The following PCDHGA6 variants were observed in gnomAD, a reference collection of about 807,000 sequenced individuals.
The protein encoded by PCDHGA6 is protocadherin gamma-A6.
A neutral mutation model predicts 60.6 loss-of-function variants in PCDHGA6; 41 were observed. The ratio of observed to expected loss-of-function variants is 0.68; its 90% CI spans 0.53 to 0.88. The LOEUF (loss-of-function observed/expected upper bound fraction) is 0.88, where lower values mean the gene tolerates loss of function less well. Among genes scored for constraint, PCDHGA6 ranks in the 40% least tolerant of loss-of-function variants. The probability of loss-of-function intolerance (pLI) is 0.00; values close to 1 mark genes in which losing one functional copy is unlikely to be tolerated. For synonymous variants in PCDHGA6, 594 were observed against 524.4 expected, an observed-to-expected ratio of 1.13 and a Z score of -1.81; for missense variants, 1,312 against 1,203.0, an observed-to-expected ratio of 1.09 and a Z score of -1.34.
intron 1 of PCDHGA6, among the ~76,000 whole-genome samples, chr5:141,444,152 ATTTTTTTTTTTTTTTTTTTTT>A (rs747671382): frequency 8.9e-5 from 3 of 33,882 alleles, no homozygotes; most frequent in Admixed American, 3.9e-4. Context: ...TGTGTACTGG[ATTTTTTTTTTTTTTTTTTTTT>A]TTTTTTTTTT....
At chr5:141,429,647 T>C (rs1430094173) in intron 1 of PCDHGA6, among the ~76,000 whole-genome samples, 2 of 152,272 alleles carry the variant, frequency 1.3e-5, no homozygotes, top group African/African-American at 4.8e-5. Flanking sequence ...TATATATTTC[T>C]TCCCAATTTA....
At position 141,404,862 on chromosome 5, in the gene PCDHGA6, C is replaced by T. The variant is rs377687399; in HGVS notation, c.2424+28355C>T. ...GCTCGGGCCCTGCTAGATAGAGATG[C>T]GCTCAAACAGAGCCTTGTGGTGGCT... On this transcript the variant is annotated intron_variant, in intron 1 of 3. Coordinates refer to ENST00000517434, the MANE Select transcript of PCDHGA6 (RefSeq NM_018919.3). The T allele has an allele frequency of 2.3e-5, 37 of 1,613,730 alleles. No individual in the cohort carries two copies. The African/African-American group carries it at 2.8e-4, about 12-fold the overall frequency.
chr5:141,389,838 C>T (rs1156714079), intron 1 of PCDHGA6: 3 of 1,614,028 alleles, frequency 1.9e-6, no homozygotes, highest in Non-Finnish European at 2.5e-6. Context: ...ACAGCCACCA[C>T]TCTCGGCCAC....
intron 1 of PCDHGA6, among the ~76,000 whole-genome samples, chr5:141,494,498 C>G (rs2099754760): frequency 6.6e-6 from 1 of 152,138 alleles, no homozygotes; most frequent in African/African-American, 2.4e-5. Flanking sequence ...GCCTTCAGTC[C>G]TTGAATTTTG....
At chr5:141,413,329 A>G (rs762420040) in intron 1 of PCDHGA6, 1 of 1,613,966 alleles carries the variant, frequency 6.2e-7, no homozygotes, top group Non-Finnish European at 8.5e-7. Context: ...CGTGGGCAAC[A>G]TCTCCAAGGA....
At chr5:141,456,723 G>A (rs1005891499) in intron 1 of PCDHGA6, among the ~76,000 whole-genome samples, 3 of 152,196 alleles carry the variant, frequency 2.0e-5, no homozygotes, top group Admixed American at 6.5e-5. Flanking sequence ...CCAGCACTTT[G>A]GGAGGCTGAG....
At chr5:141,404,811 G>A (rs2094571358) in intron 1 of PCDHGA6, 1 of 1,606,238 alleles carries the variant, frequency 6.2e-7, no homozygotes, top group African/African-American at 1.4e-5. Flanking sequence ...TTCTCGGTGG[G>A]GCTGCACACA....
intron 1 of PCDHGA6, among the ~76,000 whole-genome samples, chr5:141,488,613 A>C (rs1214413025): frequency 1.3e-5 from 2 of 152,158 alleles, no homozygotes; most frequent in Non-Finnish European, 2.9e-5. Flanking sequence ...GTTCTTACTA[A>C]TCTTTTCTCT....
At chr5:141,427,480 A>G in intron 1 of PCDHGA6, 1 of 531,758 alleles carries the variant, frequency 1.9e-6, no homozygotes, top group South Asian at 1.5e-5. Context: ...GCCAATAATG[A>G]CTATAAGCTT....
intron 1 of PCDHGA6, chr5:141,421,501 G>T: frequency 6.2e-7 from 1 of 1,614,094 alleles, no homozygotes; most frequent in Non-Finnish European, 8.5e-7. Context: ...AGGCAGGATA[G>T]ACCGGGAGGA....
chr5:141,394,269 C>T (rs367765478), intron 1 of PCDHGA6: 2 of 1,613,948 alleles, frequency 1.2e-6, no homozygotes, highest in Admixed American at 3.3e-5. Context: ...GGAGAATGCC[C>T]AGGTCACTTA....
At chr5:141,498,338 G>A (rs2237079) in intron 2 of PCDHGA6, among the ~76,000 whole-genome samples, 68,665 of 151,630 alleles carry the variant, frequency 0.45, 15,766 homozygotes, top group Admixed American at 0.55. Flanking sequence ...CATTCCAAAT[G>A]GGAAAAGCCT....
intron 1 of PCDHGA6, chr5:141,404,997 C>A (rs2154535986): frequency 6.2e-7 from 1 of 1,614,034 alleles, no homozygotes; most frequent in East Asian, 2.2e-5. Context: ...CAGATCCCTG[C>A]AGACCTGGAG....
intron 1 of PCDHGA6, among the ~76,000 whole-genome samples, chr5:141,461,968 C>A (rs2099027589): frequency 6.6e-6 from 1 of 152,204 alleles, no homozygotes; most frequent in African/African-American, 2.4e-5. Context: ...GGATTCCAGG[C>A]ATATGCCACC....
intron 3 of PCDHGA6, among the ~76,000 whole-genome samples, chr5:141,510,660 G>A (rs2099882170): frequency 1.3e-5 from 2 of 152,174 alleles, no homozygotes; most frequent in East Asian, 1.9e-4. Context: ...TTTTGCAGAT[G>A]AGAAAACTGA....
intron 1 of PCDHGA6, among the ~76,000 whole-genome samples, chr5:141,462,877 T>G (rs1387501705): frequency 1.3e-5 from 2 of 152,240 alleles, no homozygotes; most frequent in African/African-American, 4.8e-5. Flanking sequence ...CTTTAAGAAC[T>G]ATTGCAGTTT....
In PCDHGA6 at chr5:141,430,383, GAA is replaced by G. The variant is rs139772145; in HGVS notation, c.2424+53888_2424+53889del. Among the ~76,000 whole-genome samples the G allele has an allele frequency of 1.3e-3, 180 of 138,574 alleles. 1 individual carries two copies. Among genetic ancestry groups the G allele is most frequent in the African/African-American group, 4.5e-3 (169 of 37,858 alleles). 90.9% of individuals were successfully genotyped at this position (138,574 alleles called of 152,430 possible). A position where few individuals can be genotyped will look rare whatever the true frequency, so the allele number is the denominator to read the frequency against. On this transcript the variant is annotated intron_variant, in intron 1 of 3. Coordinates refer to ENST00000517434, the MANE Select transcript of PCDHGA6 (RefSeq NM_018919.3). ...CATTGGGGAAAAAAAAGCTCATTGG[GAA>G]AAAAAAAAAAAGCTCACTAAAGTTT...
rs369793035 is a variant in PCDHGA6, at chr5:141,408,762, A to T, written c.2424+32255A>T. 57 of 1,610,942 alleles carry T rather than the reference A, an allele frequency of 3.5e-5. No homozygotes were observed. The highest frequency in any genetic ancestry group is 4.6e-5 in the Non-Finnish European group (54 of 1,178,454). On this transcript the variant is annotated intron_variant, in intron 1 of 3. Transcript: ENST00000517434. ...TCATTAATGGTTAGAGTTAATTCCG[A>T]TGGTGGCAAATACCCAGAGTTATCT...
Position 141,431,253 on chromosome 5 carries a change from A to G in PCDHGA6, c.2424+54746A>G, listed in dbSNP as rs1554123268. The G allele has an allele frequency of 1.2e-6, 2 of 1,614,132 alleles. No individual in the cohort carries two copies. Among genetic ancestry groups the G allele is most frequent in the South Asian group, 1.1e-5 (1 of 91,088 alleles). ...GCCTGGGATCCGGATATCGGGAAGA[A>G]CTCTCTGCAGAGCTACGAGCTCAGC... is the stretch of plus-strand genomic sequence containing the variant. On this transcript the variant is annotated intron_variant, in intron 1 of 3. Transcript: ENST00000517434. The surrounding 1 kb of genome is among the most constrained non-coding windows in gnomAD (Gnocchi z 4.8).
Sources: allele counts gnomAD v4.1 joint callset (sites outside exome capture counted in the v4.1 genomes callset), GRCh38; gene constraint gnomAD v4.1.1; non-coding constraint Gnocchi (gnomAD v3.1); transcripts MANE v1.5; gene names NCBI Gene and HGNC (gene_info 2026-07-23, HGNC 2026-07-21).